SLN: variants seen among roughly 807,000 people sequenced by gnomAD.
SLN encodes sarcolipin.
For synonymous variants in SLN, 19 were observed against 14.4 expected (o/e 1.32, Z -0.72); for missense variants, 34 against 37.4 (o/e 0.91, Z 0.24).
chr11:107,710,178 A>G (rs917008821), intron 1 of SLN, among the ~76,000 whole-genome samples: 2 of 152,242 alleles, frequency 1.3e-5, no homozygotes, highest in Middle Eastern at 3.2e-3. Flanking sequence ...AAATAAAACC[A>G]TAGTCCAAAT....
At chr11:107,710,422 C>T (rs916977658) in intron 1 of SLN, among the ~76,000 whole-genome samples, 1 of 152,194 alleles carries the variant, frequency 6.6e-6, no homozygotes, top group African/African-American at 2.4e-5. Context: ...GTGTTACCTT[C>T]GCAACAACTC....
chr11:107,709,582 G>A (rs895511586), intron 1 of SLN, among the ~76,000 whole-genome samples: 9 of 152,078 alleles, frequency 5.9e-5, no homozygotes, highest in Admixed American at 4.6e-4. Context: ...CATGGCAGTC[G>A]GTACCTGTAG....
In SLN at chr11:107,708,740, G is replaced by A. The variant is rs559344638; in HGVS notation, c.-75-735C>T. The stretch of plus-strand genomic sequence containing the variant: ...CTTCTGTGTGTGTTTGCGTGTGTGC[G>A]TATGCATGTGTATACTTTTCTTAAG... On this transcript the variant is annotated intron_variant, in intron 1 of 1. Transcript: ENST00000305991. Among the ~76,000 whole-genome samples the A allele has an allele frequency of 1.4e-4, 21 of 152,214 alleles. No homozygotes were observed. The East Asian group carries it at 2.7e-3, about 20-fold the overall frequency.
intron 1 of SLN, among the ~76,000 whole-genome samples, chr11:107,711,054 T>C (rs1433976276): frequency 6.6e-6 from 1 of 152,110 alleles, no homozygotes; most frequent in Non-Finnish European, 1.5e-5. Flanking sequence ...CATGCAGACA[T>C]AGATGGTCAA....
Position 107,707,848 on chromosome 11 carries a change from G to A in SLN, c.83C>T (p.Ser28Phe), listed in dbSNP as rs1405092472. Residue 28 changes from serine (S) to phenylalanine (F), a missense_variant, in exon 2 of 2, where the codon TCC (serine) becomes TTC (phenylalanine). Physicochemically the swap from Ser to Phe is radical, Grantham distance 155. Transcript: ENST00000305991. ...TGGCATGGCCTCTCAGTACTGATAG[G>A]ACCTCACAAGGAGCCACATAAGAAT... is the stretch of plus-strand genomic sequence containing the variant. ...TVILMWLLVR[S>F]YQY The A allele has an allele frequency of 4.3e-6, 7 of 1,612,966 alleles. No individual in the cohort carries two copies. Among genetic ancestry groups the A allele is most frequent in the Non-Finnish European group, 5.9e-6 (7 of 1,179,206 alleles).
intron 1 of SLN, among the ~76,000 whole-genome samples, chr11:107,711,407 GAATTC>G (rs940639196): frequency 1.7e-4 from 26 of 152,180 alleles, no homozygotes; most frequent in Non-Finnish European, 3.5e-4. Context: ...AATTTCTAGT[GAATTC>G]AATTCAATCA....
Position 107,707,713 on chromosome 11 carries a change from A to C in SLN, c.*122T>G, listed in dbSNP as rs1236461415. On this transcript the variant is annotated 3_prime_UTR_variant, in exon 2 of 2. Transcript: ENST00000305991. ...ACAGCATAGCAGATATTGTGAGTGC[A>C]GGTCACAGGTGCCCTCGGATGGAGA... is the stretch of plus-strand genomic sequence containing the variant. 2.8e-6 allele frequency: 2 copies of C among 702,466 alleles called. No homozygotes were observed. Among genetic ancestry groups the C allele is most frequent in the Non-Finnish European group, 2.6e-6 (1 of 389,064 alleles). The allele number at this position is 702,466 out of a possible 1,614,324, so 43.5% of individuals were successfully genotyped here.
chr11:107,711,791 GA>G (rs903224731), intron 1 of SLN, among the ~76,000 whole-genome samples, 171 bp downstream of exon 1: 18 of 150,050 alleles, frequency 1.2e-4, no homozygotes, highest in South Asian at 2.1e-4. Flanking sequence ...ACCCTTAGGA[GA>G]AAAAAAAAGG....
Position 107,707,548 on chromosome 11 carries a change from A to G in SLN, c.*287T>C. On this transcript the variant is annotated 3_prime_UTR_variant, in exon 2 of 2. Transcript: ENST00000305991. ...TTGTAACAATCCTACATCATCATGA[A>G]TCCAGTTTAATTTTAACTTTGTGGC... 2.9e-6 allele frequency: 1 copy of G among 346,682 alleles called. No homozygotes were observed. The highest frequency in any genetic ancestry group is 4.6e-5 in the South Asian group (1 of 21,708). 21.5% of individuals were successfully genotyped at this position (346,682 alleles called of 1,614,324 possible). A position where few individuals can be genotyped will look rare whatever the true frequency, so the allele number is the denominator to read the frequency against.
In SLN at chr11:107,712,033, T is replaced by A. The variant is rs915780653; in HGVS notation, c.-146A>T. On this transcript the variant is annotated 5_prime_UTR_variant, in exon 1 of 2. Transcript: ENST00000305991. ...CGCTGTCTCCAACTTGAGCTCCAACTCCTTCTCCCCTCCCAGGCTGTCTGG... is the reference window on the plus strand; with the variant it reads ...CGCTGTCTCCAACTTGAGCTCCAACACCTTCTCCCCTCCCAGGCTGTCTGG... 2 of 152,274 alleles carry A rather than the reference T, an allele frequency of 1.3e-5. No individual in the cohort carries two copies. The highest frequency in any genetic ancestry group is 4.8e-5 in the African/African-American group (2 of 41,438). 9.4% of individuals were successfully genotyped at this position (152,274 alleles called of 1,614,324 possible). A position where few individuals can be genotyped will look rare whatever the true frequency, so the allele number is the denominator to read the frequency against.
chr11:107,709,663 A>T (rs1479212445), intron 1 of SLN, among the ~76,000 whole-genome samples: 4 of 152,196 alleles, frequency 2.6e-5, no homozygotes, highest in Non-Finnish European at 5.9e-5. Flanking sequence ...CTTAGGCAAC[A>T]TAATGAGACC....
chr11:107,711,447 G>T (rs1867208700), intron 1 of SLN, among the ~76,000 whole-genome samples: 1 of 152,102 alleles, frequency 6.6e-6, no homozygotes, highest in African/African-American at 2.4e-5. Flanking sequence ...TGTAAGGTGT[G>T]GTGTGAACAT....
intron 1 of SLN, among the ~76,000 whole-genome samples, chr11:107,710,183 C>T (rs1312679848): frequency 6.6e-6 from 1 of 152,152 alleles, no homozygotes; most frequent in Non-Finnish European, 1.5e-5. Flanking sequence ...AAACCATAGT[C>T]CAAATGTCCA....
rs1867170272 is a variant in SLN at position 107,707,783 on chromosome 11, A to C, written c.*52T>G. Reference sequence around the variant, plus strand: ...ACAGCAGTGGGGTCTCAGGGCATAGAGCAGGCAGCTCCGGAGCATCTCAGT... The same window carrying C: ...ACAGCAGTGGGGTCTCAGGGCATAGCGCAGGCAGCTCCGGAGCATCTCAGT... On this transcript the variant is annotated 3_prime_UTR_variant, in exon 2 of 2. Transcript: ENST00000305991. The C allele has an allele frequency of 1.6e-5, 22 of 1,365,936 alleles. No individual in the cohort carries two copies. In the South Asian group the frequency reaches 2.3e-4, roughly 14 times the overall value. The allele number at this position is 1,365,936 out of a possible 1,614,324, so 84.6% of individuals were successfully genotyped here.
chr11:107,709,330 A>T (rs1867186931), intron 1 of SLN, among the ~76,000 whole-genome samples: 2 of 152,190 alleles, frequency 1.3e-5, no homozygotes, highest in Non-Finnish European at 2.9e-5. Flanking sequence ...TGTAGAGTGA[A>T]AGTTTAGGGA....
intron 1 of SLN, among the ~76,000 whole-genome samples, chr11:107,711,068 A>T (rs557416591): frequency 8.5e-5 from 13 of 152,328 alleles, no homozygotes; most frequent in African/African-American, 2.9e-4. Context: ...TGGTCAAATT[A>T]TAAAGAATAA....
chr11:107,711,036 T>C (rs985779088), intron 1 of SLN, among the ~76,000 whole-genome samples: 1 of 152,210 alleles, frequency 6.6e-6, no homozygotes, highest in Non-Finnish European at 1.5e-5. Context: ...TTAATCATAT[T>C]GTTTAGGCAT....
At chr11:107,710,002 A>T (rs1867196048) in intron 1 of SLN, among the ~76,000 whole-genome samples, 1 of 152,220 alleles carries the variant, frequency 6.6e-6, no homozygotes, top group African/African-American at 2.4e-5. Flanking sequence ...AAAGATTTGC[A>T]TGGAGGAGAA....
chr11:107,711,983 A>G lies in SLN; in HGVS notation c.-96T>C, dbSNP rs146248311. 4.6e-3 allele frequency: 705 copies of G among 152,242 alleles called. 5 individuals are homozygous for G. Among genetic ancestry groups the G allele is most frequent in the Middle Eastern group, 0.014 (4 of 292 alleles). The allele number at this position is 152,242 out of a possible 1,614,324, so 9.4% of individuals were successfully genotyped here. A position where few individuals can be genotyped will look rare whatever the true frequency, so the allele number is the denominator to read the frequency against. On this transcript the variant is annotated 5_prime_UTR_variant, in exon 1 of 2. Transcript: ENST00000305991. Reference sequence around the variant, plus strand: ...GTTACCTGAAGAGGATCAAAGACACACCCTGGCTATGGCAGGTTTCTCCTC... The same window carrying G: ...GTTACCTGAAGAGGATCAAAGACACGCCCTGGCTATGGCAGGTTTCTCCTC...
Sources: allele counts gnomAD v4.1 joint callset (sites outside exome capture counted in the v4.1 genomes callset), GRCh38; gene constraint gnomAD v4.1.1; transcripts MANE v1.5; gene names NCBI Gene and HGNC (gene_info 2026-07-23, HGNC 2026-07-21).